Variants in CDIN1 observed in about 807,000 individuals in gnomAD.
The protein encoded by CDIN1 is CDAN1-interacting nuclease 1.
A neutral mutation model predicts 45.3 loss-of-function variants in CDIN1; 33 were observed. The ratio of observed to expected loss-of-function variants is 0.73; its 90% CI spans 0.55 to 0.97. CDIN1 has a LOEUF of 0.97. CDIN1 is among the 50% of genes least tolerant of loss of function. CDIN1 has a pLI of 0.00. For missense variants in CDIN1, 303 were observed against 339.4 expected, an observed-to-expected ratio of 0.89 and a Z score of 0.84; for synonymous variants, 118 against 124.4, an observed-to-expected ratio of 0.95 and a Z score of 0.34.
chr15:36,616,268 A>G lies in CDIN1; in HGVS notation c.102-28010A>G, dbSNP rs1595748007. ...GTTTTGGTCATTTTTTTCTAAGCCT[A>G]CATTTTTCTTTTTCTTTCATTTTTT... On this transcript the variant is annotated intron_variant, in intron 1 of 10. Coordinates refer to ENST00000566621, the MANE Select transcript of CDIN1 (RefSeq NM_001321759.2). Among the ~76,000 whole-genome samples, 3 of 150,012 alleles carry G rather than the reference A, an allele frequency of 2.0e-5. 1 individual carries two copies. The highest frequency in any genetic ancestry group is 4.3e-4 in the South Asian group (2 of 4,630).
chr15:36,614,652 T>C (rs1233386016), intron 1 of CDIN1, among the ~76,000 whole-genome samples: 1 of 152,122 alleles, frequency 6.6e-6, no homozygotes, highest in Non-Finnish European at 1.5e-5. Context: ...TAGGCCTGCC[T>C]TACTGAGAGC....
chr15:36,686,247 C>T (rs932943751), intron 5 of CDIN1, among the ~76,000 whole-genome samples: 11 of 151,418 alleles, frequency 7.3e-5, no homozygotes, highest in Admixed American at 2.6e-4. Flanking sequence ...ATGATGAGTT[C>T]GTGTCCTTTG....
chr15:36,702,774 T>G (rs2042690658), intron 8 of CDIN1, among the ~76,000 whole-genome samples: 1 of 152,206 alleles, frequency 6.6e-6, no homozygotes, highest in African/African-American at 2.4e-5. Flanking sequence ...TTTTGGGTTC[T>G]GCTCTTTTCT....
chr15:36,792,591 G>A, intron 10 of CDIN1, among the ~76,000 whole-genome samples: 1 of 129,348 alleles, frequency 7.7e-6, no homozygotes, highest in Non-Finnish European at 1.6e-5. Context: ...GTATGAAGTG[G>A]AAATGAGGTG....
intron 5 of CDIN1, among the ~76,000 whole-genome samples, chr15:36,682,055 A>T (rs542026645): frequency 2.0e-5 from 3 of 152,166 alleles, no homozygotes; most frequent in Admixed American, 2.0e-4. Flanking sequence ...AGAGAAACAG[A>T]ACCAATAGGA....
chr15:36,752,963 A>C (rs1276374695), intron 10 of CDIN1, among the ~76,000 whole-genome samples: 1 of 152,192 alleles, frequency 6.6e-6, no homozygotes, highest in African/African-American at 2.4e-5. Context: ...CCTGAATAAG[A>C]AATTTAAACT....
At chr15:36,670,373 C>G (rs2140532541) in intron 5 of CDIN1, among the ~76,000 whole-genome samples, 1 of 152,204 alleles carries the variant, frequency 6.6e-6, no homozygotes, top group East Asian at 1.9e-4. Flanking sequence ...GTTAGTTACT[C>G]TTGTTAATAA....
chr15:36,593,327 A>G lies in CDIN1; in HGVS notation c.101+13366A>G, dbSNP rs77977871. 2.4e-3 allele frequency among the ~76,000 whole-genome samples: 363 copies of G among 152,288 alleles called. 3 individuals are homozygous for G. Among genetic ancestry groups the G allele is most frequent in the African/African-American group, 8.1e-3 (338 of 41,556 alleles). Reference sequence around the variant, plus strand: ...CTGTTTTACTGTTTTGTCTCAACTTAGTAAGAAGGGGGTTATGCATTTATG... The same window carrying G: ...CTGTTTTACTGTTTTGTCTCAACTTGGTAAGAAGGGGGTTATGCATTTATG... On this transcript the variant is annotated intron_variant, in intron 1 of 10. Transcript: ENST00000566621.
At chr15:36,658,118 C>G in intron 5 of CDIN1, 1 of 453,058 alleles carries the variant, frequency 2.2e-6, no homozygotes, top group Non-Finnish European at 3.9e-6. Context: ...CCACACTCAA[C>G]CTCTCCATTG....
At chr15:36,776,489 T>A (rs1264718620) in intron 10 of CDIN1, among the ~76,000 whole-genome samples, 1 of 152,050 alleles carries the variant, frequency 6.6e-6, no homozygotes, top group Non-Finnish European at 1.5e-5. Flanking sequence ...AGAATCCTTG[T>A]TCTATGCCAG....
chr15:36,781,104 C>A (rs1031121397), intron 10 of CDIN1, among the ~76,000 whole-genome samples: 4 of 152,116 alleles, frequency 2.6e-5, no homozygotes, highest in African/African-American at 4.8e-5. Flanking sequence ...TCCTCATGTA[C>A]CTCACATGTG....
chr15:36,767,499 A>T (rs1300963512), intron 10 of CDIN1, among the ~76,000 whole-genome samples: 1 of 152,218 alleles, frequency 6.6e-6, no homozygotes, highest in Non-Finnish European at 1.5e-5. Flanking sequence ...CTATTTTAAG[A>T]GTTGACACAG....
At chr15:36,656,055 G>A (rs772527558) in intron 4 of CDIN1, among the ~76,000 whole-genome samples, 1 of 152,070 alleles carries the variant, frequency 6.6e-6, no homozygotes, top group Non-Finnish European at 1.5e-5. Context: ...CTCCGTTTTG[G>A]CTACAGACTA....
intron 1 of CDIN1, among the ~76,000 whole-genome samples, chr15:36,589,347 T>A (rs979617382): frequency 9.9e-5 from 15 of 152,222 alleles, no homozygotes; most frequent in African/African-American, 3.6e-4. Flanking sequence ...TTTTTAATTG[T>A]CTTTTTATTG....
intron 5 of CDIN1, among the ~76,000 whole-genome samples, chr15:36,659,739 CTGCCAG>C (rs1157464448): frequency 6.6e-6 from 1 of 151,110 alleles, no homozygotes; most frequent in East Asian, 1.9e-4. Context: ...AGTAGGCTGA[CTGCCAG>C]TCAAAAATGC....
intron 1 of CDIN1, among the ~76,000 whole-genome samples, chr15:36,628,593 T>TG (rs1460011613): frequency 1.3e-5 from 2 of 152,190 alleles, no homozygotes; most frequent in African/African-American, 2.4e-5. Context: ...GAGTTTGAGA[T>TG]GATGCTTATT....
At chr15:36,676,106 G>C (rs951390516) in intron 5 of CDIN1, among the ~76,000 whole-genome samples, 1 of 152,106 alleles carries the variant, frequency 6.6e-6, no homozygotes. Flanking sequence ...GTCCCTGGCT[G>C]TAATTAGTCA....
chr15:36,754,572 A>G (rs899942458), intron 10 of CDIN1, among the ~76,000 whole-genome samples: 4 of 151,606 alleles, frequency 2.6e-5, no homozygotes, highest in African/African-American at 9.7e-5. Flanking sequence ...CTCTTAAAAA[A>G]AAAAAAAAAA....
chr15:36,650,402 TTTTATTTATTTATTTATTTATTTA>T (rs138686194), intron 3 of CDIN1, among the ~76,000 whole-genome samples: 40,636 of 142,696 alleles, frequency 0.28, 5,892 homozygotes, highest in Admixed American at 0.37. Context: ...TTGAGAAAAT[TTTTATTTATTTATTTATTTATTTA>T]TTTATTTATT....
Sources: allele counts gnomAD v4.1 joint callset (sites outside exome capture counted in the v4.1 genomes callset), GRCh38; gene constraint gnomAD v4.1.1; transcripts MANE v1.5; gene names NCBI Gene and HGNC (gene_info 2026-07-23, HGNC 2026-07-21).